Variants in GABRA2 observed in about 807,000 individuals in gnomAD.
GABRA2 encodes the protein gamma-aminobutyric acid type A receptor subunit alpha2.
A neutral mutation model predicts 48.7 loss-of-function variants in GABRA2; 16 were observed. The ratio of observed to expected loss-of-function variants is 0.33; its 90% confidence interval spans 0.22 to 0.50. The LOEUF is 0.50. Among genes scored for constraint, GABRA2 ranks in the 20% least tolerant of loss-of-function variants. GABRA2 has a pLI of 0.98. For synonymous variants in GABRA2, 185 were observed against 184.5 expected (o/e 1.00, Z -0.02); for missense variants, 275 against 535.6 (o/e 0.51, Z 4.80).
chr4:46,329,495 G>A (rs568224199), intron 4 of GABRA2, among the ~76,000 whole-genome samples: 8 of 152,162 alleles, frequency 5.3e-5, no homozygotes, highest in African/African-American at 1.4e-4. Context: ...GTAGCTGCAC[G>A]TTCCTGTAGC....
At chr4:46,323,024 T>C (rs1353750784) in intron 4 of GABRA2, among the ~76,000 whole-genome samples, 1 of 151,672 alleles carries the variant, frequency 6.6e-6, no homozygotes, top group Non-Finnish European at 1.5e-5. Flanking sequence ...ACTATAATAG[T>C]TATTTTTAAA....
intron 8 of GABRA2, among the ~76,000 whole-genome samples, chr4:46,281,330 C>A (rs1721490793): frequency 6.6e-6 from 1 of 151,820 alleles, no homozygotes; most frequent in Non-Finnish European, 1.5e-5. Context: ...CAGAAAGTCA[C>A]AATAAAGGCT....
chr4:46,343,733 C>T (rs558870841), intron 3 of GABRA2, among the ~76,000 whole-genome samples: 75 of 152,012 alleles, frequency 4.9e-4, no homozygotes, highest in African/African-American at 1.8e-3. Context: ...ACCTTATGGT[C>T]TTGTTATAAA....
rs1713169731 is a variant in GABRA2, at chr4:46,243,670, T to G, written c.*6638A>C. On this transcript the variant is annotated 3_prime_UTR_variant, in exon 10 of 10. Transcript: ENST00000381620. ...CAATAAAGGTCATATGATCAACTAGTGGCCTTTCCCAATTACAACAAGGTC... is the reference window on the plus strand; with the variant it reads ...CAATAAAGGTCATATGATCAACTAGGGGCCTTTCCCAATTACAACAAGGTC... 1 of 151,444 alleles carries G rather than the reference T, an allele frequency of 6.6e-6. No homozygotes were observed. Among genetic ancestry groups the G allele is most frequent in the South Asian group, 2.1e-4 (1 of 4,826 alleles). The allele number at this position is 151,444 out of a possible 1,614,324, so 9.4% of individuals were successfully genotyped here.
chr4:46,295,036 T>C (rs1724377594), intron 8 of GABRA2, among the ~76,000 whole-genome samples: 1 of 152,208 alleles, frequency 6.6e-6, no homozygotes, highest in African/African-American at 2.4e-5. Context: ...TCTGCACCGA[T>C]GGCCTCATGG....
At chr4:46,300,794 T>C (rs190112417) in intron 8 of GABRA2, among the ~76,000 whole-genome samples, 2 of 152,200 alleles carry the variant, frequency 1.3e-5, no homozygotes, top group East Asian at 3.9e-4. Flanking sequence ...ACCAAATCCA[T>C]TGATACCCTC....
intron 6 of GABRA2, among the ~76,000 whole-genome samples, chr4:46,306,225 T>A (rs143455179): frequency 6.6e-6 from 1 of 152,192 alleles, no homozygotes; most frequent in Non-Finnish European, 1.5e-5. Context: ...ACATATAAGA[T>A]AAATAATAAC....
Position 46,247,970 on chromosome 4 carries a change from T to C in GABRA2, c.*2338A>G, listed in dbSNP as rs1284638813. ...AGAATGTCATTGCACTCAAATAAAA[T>C]TTTACCACATGAAATTTAAAATAAG... On this transcript the variant is annotated 3_prime_UTR_variant, in exon 10 of 10. Coordinates refer to ENST00000381620, the MANE Select transcript of GABRA2 (RefSeq NM_000807.4). Among the ~76,000 whole-genome samples the C allele has an allele frequency of 6.6e-6, 1 of 151,212 alleles. No individual in the cohort carries two copies. The highest frequency in any genetic ancestry group is 2.0e-4 in the East Asian group (1 of 5,102).
At chr4:46,263,138 T>C (rs1451972536) in intron 8 of GABRA2, among the ~76,000 whole-genome samples, 2 of 151,692 alleles carry the variant, frequency 1.3e-5, no homozygotes, top group Non-Finnish European at 2.9e-5. Flanking sequence ...ATATAGGAAA[T>C]GAAAATAACA....
intron 3 of GABRA2, among the ~76,000 whole-genome samples, chr4:46,349,472 C>T (rs566863571): frequency 9.2e-5 from 14 of 151,980 alleles, no homozygotes; most frequent in African/African-American, 3.1e-4. Flanking sequence ...TGCTGAATTA[C>T]ATTAATCATA....
Position 46,281,011 on chromosome 4 carries a change from A to G in GABRA2, c.857-18883T>C, listed in dbSNP as rs369157759. Among the ~76,000 whole-genome samples, 33 of 152,276 alleles carry G rather than the reference A, an allele frequency of 2.2e-4. No individual in the cohort carries two copies. In the East Asian group the frequency reaches 4.4e-3, roughly 21 times the overall value. ...GACTTCCAGTCTCCAGAACTAAGAGAAGATGAAGTTTCTGTTTTTTAAGCC... is the reference window on the plus strand; with the variant it reads ...GACTTCCAGTCTCCAGAACTAAGAGGAGATGAAGTTTCTGTTTTTTAAGCC... On this transcript the variant is annotated intron_variant, in intron 8 of 9. Coordinates refer to ENST00000381620, the MANE Select transcript of GABRA2 (RefSeq NM_000807.4).
At chr4:46,276,229 A>C (rs933874883) in intron 8 of GABRA2, among the ~76,000 whole-genome samples, 4 of 152,066 alleles carry the variant, frequency 2.6e-5, no homozygotes, top group Non-Finnish European at 2.9e-5. Context: ...AAATGGGTTT[A>C]CTGAATGTAG....
chr4:46,343,524 T>C (rs1203733643), intron 3 of GABRA2, among the ~76,000 whole-genome samples: 2 of 151,878 alleles, frequency 1.3e-5, no homozygotes, highest in African/African-American at 4.8e-5. Context: ...TTCAAAGATA[T>C]TGATATAAAA....
At chr4:46,261,845 AGT>A in intron 9 of GABRA2, 79 bp downstream of exon 9, 1 of 1,150,110 alleles carries the variant, frequency 8.7e-7, no homozygotes, top group African/African-American at 1.5e-5. Context: ...CTTTAATGTC[AGT>A]TTTTAGAAAC....
At chr4:46,309,315 A>T (rs1373883007) in intron 6 of GABRA2, among the ~76,000 whole-genome samples, 1 of 152,116 alleles carries the variant, frequency 6.6e-6, no homozygotes, top group Non-Finnish European at 1.5e-5. Flanking sequence ...TCAGCAATAC[A>T]TAGTTTTAAT....
At chr4:46,313,594 C>CCT (rs974511935) in intron 4 of GABRA2, among the ~76,000 whole-genome samples, 1 of 144,386 alleles carries the variant, frequency 6.9e-6, no homozygotes, top group Admixed American at 7.0e-5. Flanking sequence ...TCTCTCTTTA[C>CCT]CTCTCTCTCT....
At chr4:46,292,840 G>C (rs1021496779) in intron 8 of GABRA2, among the ~76,000 whole-genome samples, 6 of 152,144 alleles carry the variant, frequency 3.9e-5, no homozygotes. Context: ...TTGCAAAATA[G>C]ATTTGTGAGG....
intron 8 of GABRA2, among the ~76,000 whole-genome samples, chr4:46,265,725 G>T (rs1718081686): frequency 6.6e-6 from 1 of 151,016 alleles, no homozygotes; most frequent in South Asian, 2.1e-4. Flanking sequence ...CTCTTGCTTT[G>T]GGTTTAGTTT....
chr4:46,275,442 G>A (rs1025438781), intron 8 of GABRA2, among the ~76,000 whole-genome samples: 2 of 152,022 alleles, frequency 1.3e-5, no homozygotes, highest in African/African-American at 4.8e-5. Flanking sequence ...AGGTAAGGGT[G>A]GATCTAAATA....
Sources: gnomAD v4.1 joint callset for allele counts (sites outside exome capture counted in the v4.1 genomes callset) on GRCh38, gnomAD v4.1.1 for gene constraint, MANE v1.5 for transcripts, NCBI Gene and HGNC (gene_info 2026-07-23, HGNC 2026-07-21) for gene names.